The following MAP4 variants were observed in gnomAD, a reference collection of about 807,000 sequenced individuals.
MAP4 encodes microtubule-associated protein 4.
Under a neutral mutation model 170.2 loss-of-function variants are expected in MAP4, and 76 were observed. That is an observed-to-expected ratio of 0.45 (90% confidence interval 0.37 to 0.54). The LOEUF is 0.54. Ranked by LOEUF, MAP4 falls within the 20% of genes least tolerant of loss-of-function variation. MAP4 has a pLI of 0.00. For synonymous variants in MAP4, 909 were observed against 994.5 expected (o/e 0.91, Z 1.62); for missense variants, 2,506 against 2,748.0 (o/e 0.91, Z 1.97).
At chr3:47,949,564 G>C (rs1160915215) in intron 3 of MAP4, among the ~76,000 whole-genome samples, 1 of 151,912 alleles carries the variant, frequency 6.6e-6, no homozygotes, top group African/African-American at 2.4e-5. Flanking sequence ...GATGCGGAGT[G>C]GGGTAGGTAT....
At chr3:47,891,587 G>C (rs1471378975) in intron 10 of MAP4, 1 of 1,535,112 alleles carries the variant, frequency 6.5e-7, no homozygotes, top group Admixed American at 2.0e-5. Context: ...AGAACATTCA[G>C]ACAGGGCCCT....
At position 47,910,028 on chromosome 3, in the gene MAP4, C is replaced by A; in HGVS notation, c.4393G>T (p.Gly1465Trp). The change falls in exon 9 of 21, where the codon GGG (glycine) becomes TGG (tryptophan). Residue 1465 changes from glycine (G) to tryptophan (W), a missense_variant. Physicochemically the swap from Gly to Trp is radical, Grantham distance 184. This residue lies in a region of MAP4 where 2,008 missense variants were observed against 2,206.0 expected (regional missense o/e 0.91). Transcript: ENST00000683076. ...DSFPDTLAKN[G>W]QEIAPAQISK... ...ATCTGGGCTGGGGCTATCTCTTGCC[C>A]ATTTTTTGCCAAGGTATCTGGAAAG... 6.2e-7 allele frequency: 1 copy of A among 1,613,964 alleles called. No homozygotes were observed.
chr3:47,873,628 A>G (rs319682), intron 12 of MAP4, among the ~76,000 whole-genome samples: 58,646 of 152,114 alleles, frequency 0.39, 12,696 homozygotes, highest in African/African-American at 0.59. Context: ...GGAATCAGGG[A>G]AAGTGGTTCT....
chr3:48,017,146 AT>A (rs1420254006), upstream of MAP4, among the ~76,000 whole-genome samples: 2 of 152,184 alleles, frequency 1.3e-5, no homozygotes, highest in Non-Finnish European at 2.9e-5. Context: ...GGAAAAAAAA[AT>A]GAGAAATGGA....
intron 1 of MAP4, among the ~76,000 whole-genome samples, chr3:48,046,195 C>T (rs930497945): frequency 6.6e-6 from 1 of 152,022 alleles, no homozygotes; most frequent in Non-Finnish European, 1.5e-5. Context: ...GAACTTTCAT[C>T]TTTTTCGGCC....
intron 15 of MAP4, 71 bp from the exon 16 acceptor site, chr3:47,869,398 A>G: frequency 9.5e-7 from 1 of 1,047,412 alleles, no homozygotes; most frequent in Non-Finnish European, 1.5e-6. Context: ...GAAGGGAAGA[A>G]GGCTGTAGGG....
At chr3:47,996,181 C>T (rs2100095464) in intron 2 of MAP4, among the ~76,000 whole-genome samples, 1 of 152,110 alleles carries the variant, frequency 6.6e-6, no homozygotes, top group Admixed American at 6.6e-5. Flanking sequence ...CCCTGTCAAC[C>T]CCAGAGCACA....
At chr3:48,040,518 C>G (rs1160769967) in intron 1 of MAP4, among the ~76,000 whole-genome samples, 1 of 152,202 alleles carries the variant, frequency 6.6e-6, no homozygotes, top group Admixed American at 6.6e-5. Context: ...ATCCGCCCGC[C>G]TCGGCCTCCC....
intron 3 of MAP4, among the ~76,000 whole-genome samples, chr3:47,955,017 G>A (rs1385861072): frequency 2.0e-5 from 3 of 152,142 alleles, no homozygotes; most frequent in Non-Finnish European, 2.9e-5. Flanking sequence ...AAGAATTAAA[G>A]AGCTTAATGT....
At chr3:47,921,902 A>G (rs2100043114) in intron 4 of MAP4, 24 bp from the exon 5 acceptor site, 3 of 1,013,274 alleles carry the variant, frequency 3.0e-6, no homozygotes, top group African/African-American at 1.6e-5. Flanking sequence ...GAAATCCAAA[A>G]CTCATTCCTG....
chr3:47,947,812 AAAAAAAAGAAAAGAAAAAAG>A (rs1213175545), intron 3 of MAP4, among the ~76,000 whole-genome samples: 3 of 151,758 alleles, frequency 2.0e-5, no homozygotes, highest in Non-Finnish European at 4.4e-5. Context: ...CTCAAAAAAA[AAAAAAAAGAAAAGAAAAAAG>A]AAAAAAAGAA....
chr3:48,038,810 G>C (rs2100120160), intron 1 of MAP4, among the ~76,000 whole-genome samples: 1 of 152,000 alleles, frequency 6.6e-6, no homozygotes, highest in Non-Finnish European at 1.5e-5. Flanking sequence ...GCTTTTAAGA[G>C]TTGGCTGTAG....
chr3:48,046,910 C>T (rs1028649051), intron 1 of MAP4, among the ~76,000 whole-genome samples: 3 of 151,382 alleles, frequency 2.0e-5, no homozygotes, highest in Admixed American at 6.6e-5. Flanking sequence ...CTGGTTAACA[C>T]GGTTAAACCC....
intron 3 of MAP4, chr3:47,974,395 A>C: frequency 1.2e-6 from 1 of 848,106 alleles, no homozygotes; most frequent in Non-Finnish European, 1.4e-6. Context: ...ACCGCACTCC[A>C]GCCTAGGCAA....
rs77428280 is a variant in MAP4, at chr3:47,969,501, C to T, written c.292+8364G>A. 3.7e-3 allele frequency among the ~76,000 whole-genome samples: 563 copies of T among 152,090 alleles called. 4 individuals carry two copies. The highest frequency in any genetic ancestry group is 0.013 in the African/African-American group (527 of 41,476). On this transcript the variant is annotated intron_variant, in intron 3 of 20. Coordinates refer to ENST00000683076, the MANE Select transcript of MAP4 (RefSeq NM_001385682.1). ...CTACAGAGTTGAAGGATCTCATCCT[C>T]TATGGTAAGGCATAAGCAGACAAAT...
chr3:47,886,528 C>T (rs2097624669), intron 10 of MAP4, among the ~76,000 whole-genome samples: 1 of 152,202 alleles, frequency 6.6e-6, no homozygotes, highest in Non-Finnish European at 1.5e-5. Context: ...GTCTCAAACT[C>T]CTGGCCTCAA....
intron 3 of MAP4, among the ~76,000 whole-genome samples, chr3:47,938,598 G>A (rs1174017729): frequency 6.6e-6 from 1 of 152,152 alleles, no homozygotes; most frequent in East Asian, 1.9e-4. Flanking sequence ...TGCCCAGGCT[G>A]GCGTTGAACA....
intron 12 of MAP4, among the ~76,000 whole-genome samples, chr3:47,874,133 C>T (rs985766273): frequency 6.6e-6 from 1 of 152,176 alleles, no homozygotes; most frequent in Non-Finnish European, 1.5e-5. Flanking sequence ...TTTGGCAAAT[C>T]GCTGGGCCTC....
chr3:47,954,697 T>G (rs75749318), intron 3 of MAP4, among the ~76,000 whole-genome samples: 67 of 152,284 alleles, frequency 4.4e-4, no homozygotes, highest in African/African-American at 1.6e-3. Flanking sequence ...GATTACTAAT[T>G]CCTGGGGACT....
Sources: gnomAD v4.1 joint callset for allele counts (sites outside exome capture counted in the v4.1 genomes callset) on GRCh38, gnomAD v4.1.1 for gene constraint, gnomAD v4.1.1 regional missense constraint, MANE v1.5 for transcripts, NCBI Gene and HGNC (gene_info 2026-07-23, HGNC 2026-07-21) for gene names.